Variants in EFCAB12 observed in about 807,000 individuals in gnomAD.
EFCAB12 encodes EF-hand calcium binding domain 12.
A neutral mutation model predicts 53.6 loss-of-function variants in EFCAB12; 43 were observed. The ratio of observed to expected loss-of-function variants is 0.80; its 90% confidence interval spans 0.63 to 1.03. The LOEUF is 1.03. EFCAB12 is among the 50% of genes least tolerant of loss of function. The pLI is 0.00. For synonymous variants in EFCAB12, 269 were observed against 289.2 expected (o/e 0.93, Z 0.71); for missense variants, 646 against 730.6 (o/e 0.88, Z 1.34).
In EFCAB12 at chr3:129,418,439, G is replaced by C; in HGVS notation, c.496C>G (p.Pro166Ala). Reference protein sequence around the residue: ...ATTRTTRKKAPRLSRLSRQMV... With the variant: ...ATTRTTRKKAARLSRLSRQMV... ...TGGCGGGACAGCCGGGAGAGCCTGG[G>C]GGCTTTCTTCTGGAAGAGGTGAGAG... The change falls in exon 3 of 9, where the codon CCC (proline) becomes GCC (alanine). Residue 166 changes from proline (P) to alanine (A), a missense_variant. Transcript: ENST00000505956. The C allele has an allele frequency of 6.2e-7, 1 of 1,606,184 alleles. No homozygotes were observed. The highest frequency in any genetic ancestry group is 8.5e-7 in the Non-Finnish European group (1 of 1,176,206).
At chr3:129,415,580 A>G (rs1248760592) in intron 3 of EFCAB12, among the ~76,000 whole-genome samples, 179 bp from the exon 4 acceptor site, 1 of 151,778 alleles carries the variant, frequency 6.6e-6, no homozygotes, top group African/African-American at 2.4e-5. Flanking sequence ...CCTTGAATGA[A>G]CTCTGCACTT....
Position 129,428,499 on chromosome 3 carries a change from C to T in EFCAB12, c.-11G>A. 1 of 1,610,896 alleles carries T rather than the reference C, an allele frequency of 6.2e-7. No homozygotes were observed. The highest frequency in any genetic ancestry group is 8.5e-7 in the Non-Finnish European group (1 of 1,178,602). On this transcript the variant is annotated 5_prime_UTR_variant, in exon 1 of 9. Coordinates refer to ENST00000505956, the MANE Select transcript of EFCAB12 (RefSeq NM_207307.3). ...ATAGTCGTCGTCCATGGTCGTGGTG[C>T]TGGGAGGGGGTGCTGAAGGGCGTGT...
At chr3:129,404,443 G>A (rs988256260) in intron 6 of EFCAB12, 40 bp from the exon 7 acceptor site, 11 of 1,553,540 alleles carry the variant, frequency 7.1e-6, no homozygotes, top group Non-Finnish European at 9.6e-6. Context: ...CATCAACCCA[G>A]ACTGCCCATC....
At chr3:129,424,481 T>C (rs2072227916) in intron 1 of EFCAB12, among the ~76,000 whole-genome samples, 1 of 152,196 alleles carries the variant, frequency 6.6e-6, no homozygotes, top group African/African-American at 2.4e-5. Flanking sequence ...GATGTGCCTG[T>C]CTTTGCCTTC....
intron 3 of EFCAB12, 73 bp from the exon 4 acceptor site, chr3:129,415,474 C>T (rs2072104086): frequency 6.4e-7 from 1 of 1,568,904 alleles, no homozygotes; most frequent in Non-Finnish European, 8.6e-7. Flanking sequence ...AAGGCCTTAC[C>T]AGCCTCCTCA....
chr3:129,408,591 C>T, intron 6 of EFCAB12, 54 bp downstream of exon 6: 1 of 1,541,940 alleles, frequency 6.5e-7, no homozygotes, highest in Non-Finnish European at 8.8e-7. Flanking sequence ...CACCCTCACC[C>T]CAGCTCTGGG....
intron 4 of EFCAB12, chr3:129,414,057 G>T (rs1224924832): frequency 6.6e-6 from 1 of 152,202 alleles, no homozygotes; most frequent in Non-Finnish European, 1.5e-5. Flanking sequence ...CCAACTTGAG[G>T]TGACCTTAAA....
intron 8 of EFCAB12, among the ~76,000 whole-genome samples, chr3:129,402,303 A>G (rs2071883087): frequency 1.3e-5 from 2 of 152,256 alleles, no homozygotes; most frequent in African/African-American, 4.8e-5. Context: ...GAATATGCTT[A>G]GTGTCACTTC....
At chr3:129,426,838 A>G (rs1312438806) in intron 1 of EFCAB12, among the ~76,000 whole-genome samples, 1 of 141,446 alleles carries the variant, frequency 7.1e-6, no homozygotes, top group Non-Finnish European at 1.5e-5. Flanking sequence ...CATTAAGCCT[A>G]GCTAACCTTT....
At chr3:129,405,766 G>C (rs951769848) in intron 6 of EFCAB12, among the ~76,000 whole-genome samples, 1 of 152,162 alleles carries the variant, frequency 6.6e-6, no homozygotes, top group African/African-American at 2.4e-5. Context: ...TAGGAGATCA[G>C]GCCTCTGTCA....
chr3:129,417,864 G>T (rs930175627), intron 3 of EFCAB12, among the ~76,000 whole-genome samples: 7 of 144,800 alleles, frequency 4.8e-5, no homozygotes, highest in African/African-American at 1.5e-4. Flanking sequence ...GCTGCATTTC[G>T]ACAGGACACC....
intron 2 of EFCAB12, among the ~76,000 whole-genome samples, chr3:129,419,055 C>T (rs939995181): frequency 1.3e-5 from 2 of 152,178 alleles, no homozygotes; most frequent in Non-Finnish European, 2.9e-5. Flanking sequence ...TATTAATGGC[C>T]TGTAGCAAAC....
intron 6 of EFCAB12, among the ~76,000 whole-genome samples, chr3:129,404,700 G>A (rs1293119911): frequency 1.3e-5 from 2 of 151,972 alleles, no homozygotes; most frequent in African/African-American, 4.8e-5. Flanking sequence ...CAGATGAGGG[G>A]GGTTTGTTCA....
At chr3:129,408,433 C>T (rs568763311) in intron 6 of EFCAB12, among the ~76,000 whole-genome samples, 129 of 152,272 alleles carry the variant, frequency 8.5e-4, no homozygotes, top group African/African-American at 2.7e-3. Flanking sequence ...CCCAGACCTC[C>T]GGGTCTTGTG....
rs755969961 is a variant in EFCAB12, at chr3:129,401,610, C to T, written c.1702G>A (p.Val568Met). The T allele has an allele frequency of 6.4e-6, 10 of 1,559,292 alleles. No homozygotes were observed. Among genetic ancestry groups the T allele is most frequent in the Non-Finnish European group, 8.7e-6 (10 of 1,149,128 alleles). ...GGCTAGCTCTAGTTGATGTAGTACA[C>T]CTTGGCGGCATCATAATGGGCGTGG... ...MTHAHYDAAK[V>M]YYIN Residue 568 changes from valine (V) to methionine (M), a missense_variant, in exon 9 of 9, where the codon GTG becomes ATG. By Grantham distance (21) the Val-to-Met change is conservative. Transcript: ENST00000505956.
At chr3:129,422,609 A>G (rs1470762528) in intron 1 of EFCAB12, among the ~76,000 whole-genome samples, 1 of 152,040 alleles carries the variant, frequency 6.6e-6, no homozygotes, top group African/African-American at 2.4e-5. Context: ...CTTATCCTCC[A>G]GGTCCCATCT....
At chr3:129,404,470 G>A (rs564704008) in intron 6 of EFCAB12, 67 bp from the exon 7 acceptor site, 2 of 1,420,128 alleles carry the variant, frequency 1.4e-6, no homozygotes, top group South Asian at 3.7e-5. Flanking sequence ...TAAGCCTCTG[G>A]GGTCAGAGGA....
At chr3:129,402,499 T>C (rs1240952873) in intron 8 of EFCAB12, 24 bp downstream of exon 8, 1 of 1,608,058 alleles carries the variant, frequency 6.2e-7, no homozygotes, top group African/African-American at 1.3e-5. Context: ...TCCTTCCTTG[T>C]GGAGTTAGAT....
chr3:129,428,607 G>T lies in EFCAB12; in HGVS notation c.-119C>A, dbSNP rs1423302995. 2 of 1,283,692 alleles carry T rather than the reference G, an allele frequency of 1.6e-6. No individual in the cohort carries two copies. The highest frequency in any genetic ancestry group is 2.2e-6 in the Non-Finnish European group (2 of 928,680). 79.5% of individuals were successfully genotyped at this position (1,283,692 alleles called of 1,614,324 possible). A position where few individuals can be genotyped will look rare whatever the true frequency, so the allele number is the denominator to read the frequency against. Reference sequence around the variant, plus strand: ...CGTAACTCCAAGTCGTGCGAAAGGCGCTCAGCTCAGACTGCAGAAGCAACC... The same window carrying T: ...CGTAACTCCAAGTCGTGCGAAAGGCTCTCAGCTCAGACTGCAGAAGCAACC... On this transcript the variant is annotated 5_prime_UTR_variant, in exon 1 of 9. Coordinates refer to ENST00000505956, the MANE Select transcript of EFCAB12 (RefSeq NM_207307.3).
Sources: allele counts gnomAD v4.1 joint callset (sites outside exome capture counted in the v4.1 genomes callset), GRCh38; gene constraint gnomAD v4.1.1; transcripts MANE v1.5; gene names NCBI Gene and HGNC (gene_info 2026-07-23, HGNC 2026-07-21).